The following EDA variants were observed in gnomAD, a reference collection of about 807,000 sequenced individuals.
EDA encodes ectodysplasin-A.
Under a neutral mutation model 23.6 loss-of-function variants are expected in EDA, and 2 were observed. That is an observed-to-expected ratio of 0.08 (90% confidence interval 0.03 to 0.27). The LOEUF is 0.27. Ranked by LOEUF, EDA falls within the 10% of genes least tolerant of loss-of-function variation. The pLI, the probability that EDA is intolerant of heterozygous loss-of-function variation, is 1.00. For missense variants in EDA, 229 were observed against 324.2 expected (o/e 0.71, Z 2.26); for synonymous variants, 131 against 132.0 (o/e 0.99, Z 0.05).
intron 1 of EDA, among the ~76,000 whole-genome samples, chrX:69,701,516 G>A (rs1002186246): frequency 8.9e-6 from 1 of 111,899 alleles, no homozygotes; most frequent in Non-Finnish European, 1.9e-5. Flanking sequence ...GCCTGTTTTT[G>A]CCTTTCACTT....
At chrX:70,023,029 T>A (rs1454530708) in intron 2 of EDA, 189 bp from the exon 3 acceptor site, 1 of 318,463 alleles carries the variant, frequency 3.1e-6, no homozygotes, top group African/African-American at 2.6e-5. Flanking sequence ...GAAACTTTTG[T>A]GGCCTCAGGA....
In EDA at chrX:69,740,312, T is replaced by C. The variant is rs773398624; in HGVS notation, c.396+123608T>C. On this transcript the variant is annotated intron_variant, in intron 1 of 7. Coordinates refer to ENST00000374552, the MANE Select transcript of EDA (RefSeq NM_001399.5). ...CCTGAAGAGTTTCTTCAGTATTTCT[T>C]ATAGGTCATGTATGCTAGCAACACA... is the stretch of plus-strand genomic sequence containing the variant. 2.7e-5 allele frequency among the ~76,000 whole-genome samples: 3 copies of C among 111,779 alleles called. No individual in the cohort carries two copies. In the South Asian group the frequency reaches 1.1e-3, roughly 42 times the overall value.
chrX:69,875,965 TAATCAAAA>T (rs1473586480), intron 1 of EDA, among the ~76,000 whole-genome samples: 7 of 111,659 alleles, frequency 6.3e-5, no homozygotes, highest in Middle Eastern at 4.6e-3. Context: ...AAAATGGCCA[TAATCAAAA>T]AATCAAAAAA....
chrX:69,680,968 C>G (rs1294184201), intron 1 of EDA, among the ~76,000 whole-genome samples: 2 of 107,188 alleles, frequency 1.9e-5, no homozygotes, highest in African/African-American at 3.4e-5. Context: ...ACCGGTTGTT[C>G]CTTTCCATGT....
rs761488005 is a variant in EDA, at chrX:69,771,279, C to T, written c.396+154575C>T. On this transcript the variant is annotated intron_variant, in intron 1 of 7. Coordinates refer to ENST00000374552, the MANE Select transcript of EDA (RefSeq NM_001399.5). ...TTCACCATGTTGGCCAGTATGGTCT[C>T]GATCTCTTGACCCCGTGACCTGCCC... Among the ~76,000 whole-genome samples the T allele has an allele frequency of 1.7e-4, 19 of 110,582 alleles. No individual in the cohort carries two copies. In the East Asian group the frequency reaches 4.6e-3, roughly 27 times the overall value.
chrX:69,631,623 ATCTTTTTTTTT>A (rs1345015638), intron 1 of EDA, among the ~76,000 whole-genome samples: 1 of 97,660 alleles, frequency 1.0e-5, no homozygotes, highest in Admixed American at 1.1e-4. Flanking sequence ...CCCTGTTAAA[ATCTTTTTTTTT>A]TCTTTTTTTT....
chrX:69,822,537 C>A (rs1346207298), intron 1 of EDA, among the ~76,000 whole-genome samples: 1 of 110,691 alleles, frequency 9.0e-6, no homozygotes, highest in East Asian at 2.8e-4. Context: ...AGGGTGAGTG[C>A]CAAAAAGCCA....
At chrX:69,964,638 A>G (rs1028300659) in intron 2 of EDA, among the ~76,000 whole-genome samples, 3 of 111,906 alleles carry the variant, frequency 2.7e-5, no homozygotes, top group Non-Finnish European at 5.6e-5. Flanking sequence ...AGAACGCTCA[A>G]TAAGGATTAA....
At chrX:69,725,803 A>G (rs953302469) in intron 1 of EDA, among the ~76,000 whole-genome samples, 1 of 112,549 alleles carries the variant, frequency 8.9e-6, no homozygotes, top group Non-Finnish European at 1.9e-5. Context: ...AAATATAGAA[A>G]GACTGGATAA....
chrX:69,838,936 G>T (rs59449204), intron 1 of EDA, among the ~76,000 whole-genome samples: 1 of 111,806 alleles, frequency 8.9e-6, no homozygotes, highest in South Asian at 3.7e-4. Flanking sequence ...CTAATTTTGT[G>T]ATGATATCCA....
Position 69,957,226 on chromosome X carries a change from T to G in EDA, c.502+94T>G. On this transcript the variant is annotated intron_variant, in intron 2 of 7. Transcript: ENST00000374552. ...TACCTTCTTGGTAGGGCATGGTGGC[T>G]CACGCCTGTAATCCTAGCACTTTGG... 8.0e-6 allele frequency: 7 copies of G among 879,306 alleles called. No individual in the cohort carries two copies. The South Asian group carries it at 1.5e-4, about 18-fold the overall frequency. 72.5% of individuals were successfully genotyped at this position (879,306 alleles called of 1,213,427 possible).
chrX:69,714,468 C>G (rs2012235250), intron 1 of EDA, among the ~76,000 whole-genome samples: 1 of 111,633 alleles, frequency 9.0e-6, no homozygotes, highest in Non-Finnish European at 1.9e-5. Flanking sequence ...AGTCTAAGAA[C>G]TCTTTGCCTC....
intron 1 of EDA, among the ~76,000 whole-genome samples, chrX:69,744,957 GTCC>G (rs2147378921): frequency 9.0e-6 from 1 of 111,543 alleles, no homozygotes; most frequent in South Asian, 3.8e-4. Context: ...CTGAAGTCAC[GTCC>G]AGGTAGCATC....
chrX:69,910,374 A>AGAGAGTGT (rs1191245556), intron 1 of EDA, among the ~76,000 whole-genome samples: 47 of 41,748 alleles, frequency 1.1e-3, no homozygotes, highest in African/African-American at 3.0e-3. Context: ...AGAGAGAGAG[A>AGAGAGTGT]GTGTGTGTGT....
At chrX:69,842,515 A>G (rs1301765490) in intron 1 of EDA, among the ~76,000 whole-genome samples, 1 of 112,184 alleles carries the variant, frequency 8.9e-6, no homozygotes, top group Non-Finnish European at 1.9e-5. Context: ...TGCCAAAAAT[A>G]TTGGGGACCA....
At chrX:69,695,561 G>A (rs2011309527) in intron 1 of EDA, among the ~76,000 whole-genome samples, 1 of 99,043 alleles carries the variant, frequency 1.0e-5, no homozygotes, top group Non-Finnish European at 2.0e-5. Flanking sequence ...CTGGGCTGGA[G>A]TGCAGTGGCA....
chrX:69,660,604 T>A (rs1933458456), intron 1 of EDA, among the ~76,000 whole-genome samples: 1 of 110,222 alleles, frequency 9.1e-6, no homozygotes, highest in African/African-American at 3.3e-5. Flanking sequence ...TGGTTTTCTG[T>A]CATTGCGATA....
intron 1 of EDA, among the ~76,000 whole-genome samples, chrX:69,836,723 C>T (rs1236198503): frequency 1.8e-5 from 2 of 112,379 alleles, no homozygotes; most frequent in East Asian, 5.6e-4. Flanking sequence ...CTTCAGCTCA[C>T]CCTCCATGGG....
At chrX:69,641,186 C>T (rs1932835665) in intron 1 of EDA, among the ~76,000 whole-genome samples, 1 of 110,948 alleles carries the variant, frequency 9.0e-6, no homozygotes, top group East Asian at 2.8e-4. Flanking sequence ...ATGTCCTGTT[C>T]TGTTGTTTTA....
Sources: gnomAD v4.1 joint callset for allele counts (sites outside exome capture counted in the v4.1 genomes callset) on GRCh38, gnomAD v4.1.1 for gene constraint, MANE v1.5 for transcripts, NCBI Gene and HGNC (gene_info 2026-07-23, HGNC 2026-07-21) for gene names.